The following C11orf97 variants were observed in gnomAD, a reference collection of about 807,000 sequenced individuals.
The protein encoded by C11orf97 is chromosome 11 open reading frame 97, also known as uncharacterized protein C11orf97.
In C11orf97, 15 loss-of-function variants were observed where a neutral mutation model predicts 16.2. The observed-to-expected ratio is 0.93, with a 90% CI of 0.62 to 1.43. C11orf97 has a LOEUF of 1.43. Among genes scored for constraint, C11orf97 ranks in the 40% most tolerant of loss-of-function variants. The pLI is 0.00. For missense variants in C11orf97, 171 were observed against 161.2 expected (o/e 1.06, Z -0.33); for synonymous variants, 61 against 65.7 (o/e 0.93, Z 0.34).
chr11:94,521,548 G>A (rs1303259113), intron 2 of C11orf97, among the ~76,000 whole-genome samples: 3 of 152,134 alleles, frequency 2.0e-5, no homozygotes, highest in Non-Finnish European at 4.4e-5. Flanking sequence ...CTTATGATAG[G>A]TTTTTCAGGA....
chr11:94,526,028 C>T (rs1947697935), intron 2 of C11orf97, among the ~76,000 whole-genome samples: 1 of 152,184 alleles, frequency 6.6e-6, no homozygotes, highest in Non-Finnish European at 1.5e-5. Flanking sequence ...AGATTTGATT[C>T]TTTTCTTCTA....
rs1324603690 is a variant in C11orf97, at chr11:94,517,632, G to A, written c.195G>A (p.Leu65=). The change falls in exon 2 of 4, where the codon CTG becomes CTA. Residue 65 remains leucine, a synonymous_variant. Transcript: ENST00000542198. ...CACATAAGAGAATTAAGGAAGTACT[G>A]GAAGAAGAACGTCATATTAAGAGAG... is the stretch of plus-strand genomic sequence containing the variant. ...CEPHKRIKEV[L]EEERHIKRDE... The A allele has an allele frequency of 2.9e-5, 44 of 1,532,510 alleles. No individual in the cohort carries two copies. Among genetic ancestry groups the A allele is most frequent in the Non-Finnish European group, 3.4e-5 (39 of 1,145,768 alleles). 94.9% of individuals were successfully genotyped at this position (1,532,510 alleles called of 1,614,324 possible). A position where few individuals can be genotyped will look rare whatever the true frequency, so the allele number is the denominator to read the frequency against.
At chr11:94,516,828 T>C (rs1947614660) in intron 1 of C11orf97, among the ~76,000 whole-genome samples, 1 of 152,118 alleles carries the variant, frequency 6.6e-6, no homozygotes, top group African/African-American at 2.4e-5. Context: ...AAAAACAGCA[T>C]GTGCAAAGGT....
chr11:94,515,340 T>C (rs1947603552), intron 1 of C11orf97, among the ~76,000 whole-genome samples: 1 of 152,016 alleles, frequency 6.6e-6, no homozygotes, highest in African/African-American at 2.4e-5. Flanking sequence ...AAACGTGGAA[T>C]AATAATTGTT....
chr11:94,515,886 A>G (rs536768), intron 1 of C11orf97, among the ~76,000 whole-genome samples: 88,022 of 151,862 alleles, frequency 0.58, 25,821 homozygotes, highest in African/African-American at 0.63. Context: ...GAAATTTGTC[A>G]GGAGATCTGA....
intron 2 of C11orf97, among the ~76,000 whole-genome samples, chr11:94,518,725 T>C (rs1947633329): frequency 6.6e-6 from 1 of 152,202 alleles, no homozygotes; most frequent in South Asian, 2.1e-4. Context: ...ATTTTTATTG[T>C]GACACTCTTG....
intron 2 of C11orf97, among the ~76,000 whole-genome samples, chr11:94,527,698 T>G (rs1397267689): frequency 6.6e-6 from 1 of 152,262 alleles, no homozygotes; most frequent in Non-Finnish European, 1.5e-5. Flanking sequence ...TAGTGATTTT[T>G]GGTCCTATTA....
intron 2 of C11orf97, among the ~76,000 whole-genome samples, chr11:94,525,530 A>G (rs1947693036): frequency 1.3e-5 from 2 of 152,228 alleles, no homozygotes; most frequent in South Asian, 4.1e-4. Flanking sequence ...TGTACCTACA[A>G]TATAGGAGGA....
At chr11:94,529,249 G>A (rs1947720968) in intron 3 of C11orf97, among the ~76,000 whole-genome samples, 1 of 152,084 alleles carries the variant, frequency 6.6e-6, no homozygotes, top group African/African-American at 2.4e-5. Context: ...TGAGATGAGA[G>A]TTCAATAAAA....
chr11:94,514,085 C>T (rs1321714407), intron 1 of C11orf97, among the ~76,000 whole-genome samples: 1 of 152,154 alleles, frequency 6.6e-6, no homozygotes, highest in East Asian at 1.9e-4. Context: ...GCTGGGATTA[C>T]AGGCATGAGC....
intron 2 of C11orf97, among the ~76,000 whole-genome samples, chr11:94,521,134 G>T (rs1442451049): frequency 6.6e-6 from 1 of 152,144 alleles, no homozygotes; most frequent in Non-Finnish European, 1.5e-5. Flanking sequence ...TTCTCAGAGA[G>T]GCCTTTCCAC....
chr11:94,524,351 T>G (rs536942956), intron 2 of C11orf97, among the ~76,000 whole-genome samples: 1 of 152,150 alleles, frequency 6.6e-6, no homozygotes, highest in Non-Finnish European at 1.5e-5. Flanking sequence ...CTTCTATCTC[T>G]CTTTAAAACA....
At chr11:94,528,729 T>A (rs1308342373) in intron 3 of C11orf97, among the ~76,000 whole-genome samples, 1 of 152,170 alleles carries the variant, frequency 6.6e-6, no homozygotes, top group Non-Finnish European at 1.5e-5. Flanking sequence ...TACTCATTCC[T>A]CACTGTCATA....
chr11:94,512,627 G>A lies in C11orf97; in HGVS notation c.99G>A (p.Gly33=). Residue 33 remains glycine, a synonymous_variant, in exon 1 of 4, where the codon GGG becomes GGA. Coordinates refer to ENST00000542198, the MANE Select transcript of C11orf97 (RefSeq NM_001190462.2). ...CTCCGCCAGCAGGGCTGGGGTGCGG[G>A]GCGCGCGGGGAACCCGGCCGCGGCC... ...QPPPPAGLGC[G]ARGEPGRGPL... The A allele has an allele frequency of 4.0e-6, 5 of 1,257,288 alleles. No individual in the cohort carries two copies. Among genetic ancestry groups the A allele is most frequent in the Non-Finnish European group, 5.0e-6 (5 of 1,000,190 alleles). 77.9% of individuals were successfully genotyped at this position (1,257,288 alleles called of 1,614,324 possible).
chr11:94,518,648 G>A (rs489333), intron 2 of C11orf97, among the ~76,000 whole-genome samples: 45,525 of 151,992 alleles, frequency 0.3, 6,950 homozygotes, highest in Non-Finnish European at 0.33. Context: ...AACTGCTGGC[G>A]TCCTTCATTT....
intron 2 of C11orf97, among the ~76,000 whole-genome samples, chr11:94,520,516 C>A (rs997454301): frequency 3.9e-5 from 6 of 152,172 alleles, no homozygotes; most frequent in Non-Finnish European, 7.3e-5. Flanking sequence ...CCTTAAATCC[C>A]AAAACCTACT....
Position 94,531,966 on chromosome 11 carries a change from C to T in C11orf97, c.*66C>T, listed in dbSNP as rs1947742713. 9 of 1,325,228 alleles carry T rather than the reference C, an allele frequency of 6.8e-6. No homozygotes were observed. The highest frequency in any genetic ancestry group is 1.5e-5 in the African/African-American group (1 of 65,936). The allele number at this position is 1,325,228 out of a possible 1,614,324, so 82.1% of individuals were successfully genotyped here. Reference sequence around the variant, plus strand: ...TGATGTCTGAAGAACGGAGAAGAAACTCAAGCTTGTTTCAGGATTTAAGAT... The same window carrying T: ...TGATGTCTGAAGAACGGAGAAGAAATTCAAGCTTGTTTCAGGATTTAAGAT... On this transcript the variant is annotated 3_prime_UTR_variant, in exon 4 of 4. Transcript: ENST00000542198.
chr11:94,522,457 A>G (rs1371151723), intron 2 of C11orf97, among the ~76,000 whole-genome samples: 1 of 152,184 alleles, frequency 6.6e-6, no homozygotes, highest in East Asian at 1.9e-4. Flanking sequence ...GAATGGCGTG[A>G]ACCCGGGAGG....
In C11orf97 at chr11:94,512,673, T is replaced by A. The variant is rs536737284; in HGVS notation, c.145T>A (p.Trp49Arg). The A allele has an allele frequency of 8.1e-7, 1 of 1,239,254 alleles. No homozygotes were observed. The highest frequency in any genetic ancestry group is 1.0e-6 in the Non-Finnish European group (1 of 991,306). 76.8% of individuals were successfully genotyped at this position (1,239,254 alleles called of 1,614,324 possible). ...GRGPLEHGQQ[W>R]KKFLYCEPHK... The stretch of plus-strand genomic sequence containing the variant: ...CGGCCCCCTAGAGCACGGCCAGCAG[T>A]GTGAGTTCAGCTCCAGCCGCGGACG... The change falls in exon 1 of 4, where the codon TGG becomes AGG. Residue 49 changes from tryptophan to arginine, a missense_variant and splice_region_variant. Coordinates refer to ENST00000542198, the MANE Select transcript of C11orf97 (RefSeq NM_001190462.2).
Sources: gnomAD v4.1 joint callset for allele counts (sites outside exome capture counted in the v4.1 genomes callset) on GRCh38, gnomAD v4.1.1 for gene constraint, MANE v1.5 for transcripts, NCBI Gene and HGNC (gene_info 2026-07-23, HGNC 2026-07-21) for gene names.